Variants in MAP3K15 observed in about 807,000 individuals in gnomAD.
MAP3K15 encodes MAPK/ERK kinase kinase 15.
In MAP3K15, 124 loss-of-function variants were observed where a neutral mutation model predicts 99.5. The ratio of observed to expected loss-of-function variants is 1.25; its 90% CI spans 1.08 to 1.45. The LOEUF (loss-of-function observed/expected upper bound fraction) is 1.45, where lower values mean the gene tolerates loss of function less well. MAP3K15 is among the 40% of genes most tolerant of loss of function. MAP3K15 has a pLI of 0.00. For synonymous variants in MAP3K15, 494 were observed against 439.6 expected, an observed-to-expected ratio of 1.12 and a Z score of -1.55; for missense variants, 1,242 against 1,079.7, an observed-to-expected ratio of 1.15 and a Z score of -2.11.
rs758243323 is a variant in MAP3K15 at position 19,436,103 on chromosome X, G to A, written c.996-4495C>T. Among the ~76,000 whole-genome samples the A allele has an allele frequency of 2.4e-3, 258 of 106,267 alleles. 2 individuals carry two copies. Among genetic ancestry groups the A allele is most frequent in the African/African-American group, 8.5e-3 (244 of 28,854 alleles). The allele number at this position is 106,267 out of a possible 115,157, so 92.3% of individuals were successfully genotyped here. A position where few individuals can be genotyped will look rare whatever the true frequency, so the allele number is the denominator to read the frequency against. On this transcript the variant is annotated intron_variant, in intron 6 of 28. Coordinates refer to ENST00000338883, the MANE Select transcript of MAP3K15 (RefSeq NM_001001671.4). ...CAGGAGGCGGAGGTTGCAGTGAACC[G>A]AGATCGCACCATTGTCCTCCAGTCT...
At position 19,456,906 on chromosome X, in the gene MAP3K15, T is replaced by G; in HGVS notation, c.995+7A>C. ...TTCAAAACCTGTACGTACATTATCGTTCTTACCTATTCAGTGCAAACGCAT... is the reference window on the plus strand; with the variant it reads ...TTCAAAACCTGTACGTACATTATCGGTCTTACCTATTCAGTGCAAACGCAT... On this transcript the variant is annotated splice_region_variant and intron_variant, in intron 6 of 28. Transcript: ENST00000338883. 8.6e-7 allele frequency: 1 copy of G among 1,159,193 alleles called. No individual in the cohort carries two copies. Among genetic ancestry groups the G allele is most frequent in the Non-Finnish European group, 1.2e-6 (1 of 859,865 alleles).
chrX:19,403,169 A>C (rs1449375345), intron 13 of MAP3K15, among the ~76,000 whole-genome samples: 1 of 111,337 alleles, frequency 9.0e-6, no homozygotes, highest in South Asian at 3.8e-4. Context: ...GAATGTATAT[A>C]TGTATCAAAA....
chrX:19,483,656 G>A (rs2064306035), intron 3 of MAP3K15, among the ~76,000 whole-genome samples: 1 of 110,937 alleles, frequency 9.0e-6, no homozygotes, highest in Non-Finnish European at 1.9e-5. Context: ...AATCTCTGGG[G>A]TCGTATGATC....
chrX:19,388,783 C>T (rs2063508444), intron 18 of MAP3K15, among the ~76,000 whole-genome samples: 1 of 111,992 alleles, frequency 8.9e-6, no homozygotes, highest in Admixed American at 9.5e-5. Context: ...CGAGTTCTCC[C>T]TCTAGGTATC....
intron 3 of MAP3K15, among the ~76,000 whole-genome samples, chrX:19,481,180 C>T (rs2064287257): frequency 1.9e-5 from 2 of 105,183 alleles, no homozygotes. Flanking sequence ...ACACATATGT[C>T]AATGGAGTAT....
At chrX:19,414,987 T>A (rs1458594752) in intron 10 of MAP3K15, 120 bp downstream of exon 10, 1 of 631,138 alleles carries the variant, frequency 1.6e-6, no homozygotes, top group Non-Finnish European at 2.3e-6. Context: ...GATTGATGTT[T>A]ATCCCAACAT....
At chrX:19,482,559 G>C (rs1029035124) in intron 3 of MAP3K15, among the ~76,000 whole-genome samples, 4 of 111,961 alleles carry the variant, frequency 3.6e-5, no homozygotes, top group Middle Eastern at 4.6e-3. Context: ...AAGTCTATAA[G>C]ACAAAAAGCA....
chrX:19,438,703 T>C (rs1395374715), intron 6 of MAP3K15, among the ~76,000 whole-genome samples: 2 of 111,777 alleles, frequency 1.8e-5, no homozygotes, highest in Non-Finnish European at 3.8e-5. Context: ...ACAAATAGAA[T>C]CCCAATAAAT....
At chrX:19,374,683 C>A in intron 19 of MAP3K15, 23 bp from the exon 20 acceptor site, 1 of 1,189,461 alleles carries the variant, frequency 8.4e-7, no homozygotes, top group East Asian at 3.0e-5. Flanking sequence ...GAGAGGTAAC[C>A]GATGTGTCAG....
intron 9 of MAP3K15, among the ~76,000 whole-genome samples, chrX:19,421,442 G>T (rs1719420690): frequency 9.1e-6 from 1 of 110,358 alleles, no homozygotes; most frequent in Non-Finnish European, 1.9e-5. Context: ...GCTTCAAAGA[G>T]AATAAAATAC....
Position 19,460,172 on chromosome X carries a change from A to C in MAP3K15, c.720-19T>G, listed in dbSNP as rs1226572419. 2 of 1,128,133 alleles carry C rather than the reference A, an allele frequency of 1.8e-6. No individual in the cohort carries two copies. Among genetic ancestry groups the C allele is most frequent in the Non-Finnish European group, 2.4e-6 (2 of 847,891 alleles). The allele number at this position is 1,128,133 out of a possible 1,213,427, so 93.0% of individuals were successfully genotyped here. On this transcript the variant is annotated intron_variant, in intron 4 of 28. Transcript: ENST00000338883. Reference sequence around the variant, plus strand: ...ATAAACACTATAGAAAGAAAAACACAAAATCCTCCAGTCACATCTGCACGC... The same window carrying C: ...ATAAACACTATAGAAAGAAAAACACCAAATCCTCCAGTCACATCTGCACGC...
intron 3 of MAP3K15, among the ~76,000 whole-genome samples, chrX:19,484,792 A>G (rs2064312034): frequency 8.9e-6 from 1 of 112,160 alleles, no homozygotes; most frequent in South Asian, 3.7e-4. Context: ...TTGTATAACA[A>G]ATATGGAACT....
chrX:19,469,754 A>C (rs1405819944), intron 3 of MAP3K15, among the ~76,000 whole-genome samples: 3 of 111,481 alleles, frequency 2.7e-5, no homozygotes, highest in African/African-American at 9.9e-5. Flanking sequence ...ATGAACAGAC[A>C]CTTCTCAAAA....
intron 1 of MAP3K15, among the ~76,000 whole-genome samples, chrX:19,510,011 T>G (rs991378808): frequency 9.0e-6 from 1 of 111,517 alleles, no homozygotes; most frequent in Non-Finnish European, 1.9e-5. Flanking sequence ...TGGATAAATT[T>G]CTGGACACAT....
chrX:19,477,422 G>A (rs922832540), intron 3 of MAP3K15, among the ~76,000 whole-genome samples: 2 of 111,543 alleles, frequency 1.8e-5, no homozygotes, highest in Admixed American at 9.4e-5. Context: ...TATGCAAAGG[G>A]GCTGGGCATG....
intron 1 of MAP3K15, among the ~76,000 whole-genome samples, chrX:19,514,021 G>A (rs754593677): frequency 1.8e-5 from 2 of 111,366 alleles, no homozygotes; most frequent in Non-Finnish European, 3.8e-5. Flanking sequence ...TAAAATATAC[G>A]TCACAGGGTG....
intron 21 of MAP3K15, 38 bp from the exon 22 acceptor site, chrX:19,372,865 G>A (rs747413304): frequency 6.6e-5 from 77 of 1,174,762 alleles, no homozygotes; most frequent in African/African-American, 8.9e-5. Context: ...TGTGCGTGCC[G>A]GGGCACTGTC....
chrX:19,454,366 A>G (rs1339316324), intron 6 of MAP3K15, among the ~76,000 whole-genome samples: 3 of 111,952 alleles, frequency 2.7e-5, no homozygotes, highest in Non-Finnish European at 5.6e-5. Flanking sequence ...CTACATTCAT[A>G]TATCTAATAA....
At chrX:19,503,847 G>T (rs2064456807) in intron 1 of MAP3K15, among the ~76,000 whole-genome samples, 1 of 110,009 alleles carries the variant, frequency 9.1e-6, no homozygotes, top group Non-Finnish European at 1.9e-5. Context: ...AGGCATGGTG[G>T]GTCACACCTG....
Sources: allele counts gnomAD v4.1 joint callset (sites outside exome capture counted in the v4.1 genomes callset), GRCh38; gene constraint gnomAD v4.1.1; transcripts MANE v1.5; gene names NCBI Gene and HGNC (gene_info 2026-07-23, HGNC 2026-07-21).